The following ROS1 variants were observed in gnomAD, a reference collection of about 807,000 sequenced individuals.
ROS1 encodes the protein proto-oncogene tyrosine-protein kinase ROS.
In ROS1, 263 loss-of-function variants were observed where a neutral mutation model predicts 273.5. That is an observed-to-expected ratio of 0.96 (90% CI 0.87 to 1.06). ROS1 has a LOEUF of 1.06. ROS1 is among the 50% of genes least tolerant of loss of function. The pLI is 0.00. For synonymous variants in ROS1, 1,008 were observed against 954.1 expected (o/e 1.06, Z -1.04); for missense variants, 2,833 against 2,751.1 (o/e 1.03, Z -0.67).
At chr6:117,324,193 C>T (rs1041743202) in intron 35 of ROS1, 139 bp downstream of exon 35, 2 of 599,958 alleles carry the variant, frequency 3.3e-6, no homozygotes, top group Non-Finnish European at 5.9e-6. Context: ...AAATGTATAG[C>T]CAAAGGTAAC....
intron 1 of ROS1, among the ~76,000 whole-genome samples, chr6:117,419,094 C>T (rs1348822084): frequency 6.6e-6 from 1 of 152,138 alleles, no homozygotes; most frequent in East Asian, 1.9e-4. Context: ...TCTGGGCCAT[C>T]AGATAATCAG....
intron 31 of ROS1, among the ~76,000 whole-genome samples, chr6:117,338,427 C>T (rs1219812667): frequency 6.6e-6 from 1 of 151,572 alleles, no homozygotes; most frequent in East Asian, 2.0e-4. Context: ...GCACTAAACT[C>T]ATAAATGTAT....
chr6:117,303,874 G>T (rs1015795691), intron 42 of ROS1, among the ~76,000 whole-genome samples: 1 of 152,070 alleles, frequency 6.6e-6, no homozygotes, highest in Admixed American at 6.6e-5. Context: ...AATCATTATA[G>T]GTATTGTATT....
intron 43 of ROS1, among the ~76,000 whole-genome samples, chr6:117,294,886 C>A (rs1486699696): frequency 1.3e-5 from 2 of 152,032 alleles, no homozygotes; most frequent in Non-Finnish European, 2.9e-5. Flanking sequence ...CCATACTGCC[C>A]AAAGTTGTCT....
chr6:117,392,415 C>G (rs938430116), intron 12 of ROS1, among the ~76,000 whole-genome samples: 1 of 151,906 alleles, frequency 6.6e-6, no homozygotes, highest in Non-Finnish European at 1.5e-5. Context: ...TTTAATCTTA[C>G]AAACATGGGC....
At chr6:117,350,389 T>A (rs1444670736) in intron 27 of ROS1, among the ~76,000 whole-genome samples, 1 of 152,096 alleles carries the variant, frequency 6.6e-6, no homozygotes, top group Non-Finnish European at 1.5e-5. Context: ...TAAGTATTTT[T>A]TCCTCTGGCT....
chr6:117,344,171 G>A lies in ROS1; in HGVS notation c.4395C>T (p.Ala1465=). The A allele has an allele frequency of 6.2e-7, 1 of 1,613,904 alleles. No individual in the cohort carries two copies. The highest frequency in any genetic ancestry group is 2.2e-5 in the East Asian group (1 of 44,870). The part of the protein sequence containing the change: ...NTSLTIRLPL[A]KTNLTWYGIT... ...TGCCATACCATGTGAGGTTTGTCTTGGCCAGAGGTAATCTGATTGTGAGGC... is the reference window on the plus strand; with the variant it reads ...TGCCATACCATGTGAGGTTTGTCTTAGCCAGAGGTAATCTGATTGTGAGGC... Residue 1465 remains alanine (A), a synonymous_variant, in exon 28 of 44, where the codon GCC becomes GCT. Coordinates refer to ENST00000368507, the MANE Select transcript of ROS1 (RefSeq NM_001378902.1).
At chr6:117,401,174 C>T (rs1343384056) in intron 7 of ROS1, among the ~76,000 whole-genome samples, 2 of 152,160 alleles carry the variant, frequency 1.3e-5, no homozygotes, top group Admixed American at 6.5e-5. Context: ...TTTCCCATCA[C>T]CATCCTTGTC....
chr6:117,315,664 C>G (rs570415643), intron 39 of ROS1, among the ~76,000 whole-genome samples: 4 of 151,898 alleles, frequency 2.6e-5, no homozygotes, highest in African/African-American at 9.7e-5. Flanking sequence ...TAAAAAAAAG[C>G]AGATTTTTGC....
chr6:117,340,238 A>G (rs1582669063), intron 31 of ROS1, among the ~76,000 whole-genome samples: 1 of 152,294 alleles, frequency 6.6e-6, no homozygotes, highest in Admixed American at 6.5e-5. Context: ...TGAGTTTATC[A>G]ACTCAATATT....
At chr6:117,326,074 T>C (rs1489578599) in intron 34 of ROS1, 150 bp downstream of exon 34, 2 of 225,094 alleles carry the variant, frequency 8.9e-6, no homozygotes, top group Admixed American at 6.9e-5. Flanking sequence ...AATAGTTTAA[T>C]AGTTTGGATA....
chr6:117,346,145 A>T, intron 27 of ROS1, among the ~76,000 whole-genome samples: 1 of 152,208 alleles, frequency 6.6e-6, no homozygotes, highest in Non-Finnish European at 1.5e-5. Flanking sequence ...CAATTATCTA[A>T]TTCAAAAGTC....
chr6:117,388,671 C>A (rs1433726519), intron 13 of ROS1, among the ~76,000 whole-genome samples: 1 of 152,126 alleles, frequency 6.6e-6, no homozygotes, highest in Non-Finnish European at 1.5e-5. Flanking sequence ...GACCATCTGA[C>A]CCACAAAGTA....
intron 35 of ROS1, among the ~76,000 whole-genome samples, chr6:117,323,594 T>C (rs1776433285): frequency 6.6e-6 from 1 of 152,138 alleles, no homozygotes; most frequent in African/African-American, 2.4e-5. Flanking sequence ...AAAGTGCTAT[T>C]ATTATTTGTG....
chr6:117,352,640 T>C (rs778315692), intron 27 of ROS1, among the ~76,000 whole-genome samples: 1 of 152,202 alleles, frequency 6.6e-6, no homozygotes, highest in Non-Finnish European at 1.5e-5. Context: ...TTGTATGCAA[T>C]GCTTTTTGAC....
At position 117,326,383 on chromosome 6, in the gene ROS1, T is replaced by C. The variant is rs763113386; in HGVS notation, c.5380A>G (p.Asn1794Asp). 8 of 1,559,990 alleles carry C rather than the reference T, an allele frequency of 5.1e-6. No individual in the cohort carries two copies. Among genetic ancestry groups the C allele is most frequent in the Admixed American group, 2.2e-5 (1 of 45,448 alleles). The change falls in exon 34 of 44, where the codon AAT becomes GAT. Residue 1794 changes from asparagine to aspartate, a missense_variant. Asn to Asp is a conservative substitution (Grantham distance 23). Transcript: ENST00000368507. ...TTAAATGTCATCTTCCACCTTAAAT[T>C]CTGGTTCTGTAAATTATTTGAAGTG... ...KSTSNNLQNQNLRWKMTFNGS... is the reference protein window; with the variant it reads ...KSTSNNLQNQDLRWKMTFNGS...
intron 32 of ROS1, among the ~76,000 whole-genome samples, chr6:117,335,757 G>A (rs1204696209): frequency 1.3e-5 from 2 of 152,150 alleles, no homozygotes; most frequent in Non-Finnish European, 2.9e-5. Flanking sequence ...AACAGCACGT[G>A]TTCTCACTCA....
chr6:117,304,735 C>T (rs557552444), intron 42 of ROS1, among the ~76,000 whole-genome samples: 9 of 152,222 alleles, frequency 5.9e-5, no homozygotes, highest in South Asian at 2.1e-4. Context: ...GGTATTGATA[C>T]GATTTGGCCC....
At chr6:117,383,243 A>G in intron 17 of ROS1, 74 bp downstream of exon 17, 2 of 1,191,262 alleles carry the variant, frequency 1.7e-6, no homozygotes, top group Non-Finnish European at 2.4e-6. Context: ...TACTCACAAT[A>G]AGCGAGAGAA....
Sources: allele counts gnomAD v4.1 joint callset (sites outside exome capture counted in the v4.1 genomes callset), GRCh38; gene constraint gnomAD v4.1.1; transcripts MANE v1.5; gene names NCBI Gene and HGNC (gene_info 2026-07-23, HGNC 2026-07-21).